The following SERPINB8 variants were observed in gnomAD, a reference collection of about 807,000 sequenced individuals.
SERPINB8 encodes serpin B8.
A neutral mutation model predicts 35.3 loss-of-function variants in SERPINB8; 25 were observed. The observed-to-expected ratio is 0.71, with a 90% confidence interval of 0.52 to 0.99. The LOEUF is 0.99. Ranked by LOEUF, SERPINB8 falls within the 50% of genes least tolerant of loss-of-function variation. The pLI, the probability that SERPINB8 is intolerant of heterozygous loss-of-function variation, is 0.00. For missense variants in SERPINB8, 484 were observed against 446.5 expected (o/e 1.08, Z -0.76); for synonymous variants, 186 against 160.8 (o/e 1.16, Z -1.19).
Position 63,979,836 on chromosome 18 carries a change from A to G in SERPINB8, c.204A>G (p.Arg68=). The part of the protein sequence containing the change: ...LCLYKDGDIH[R]GFQSLLSEVN... Reference sequence around the variant, plus strand: ...TATACAAAGACGGAGATATTCACCGAGGTTTCCAGTCACTTCTCAGTGAAG... The same window carrying G: ...TATACAAAGACGGAGATATTCACCGGGGTTTCCAGTCACTTCTCAGTGAAG... The change falls in exon 3 of 7, where the codon CGA becomes CGG. Residue 68 remains arginine, a synonymous_variant. Coordinates refer to ENST00000397985, the MANE Select transcript of SERPINB8 (RefSeq NM_002640.4). 6.2e-7 allele frequency: 1 copy of G among 1,614,144 alleles called. No individual in the cohort carries two copies. The highest frequency in any genetic ancestry group is 8.5e-7 in the Non-Finnish European group (1 of 1,179,996).
chr18:63,982,662 A>G (rs2050690506), intron 4 of SERPINB8, among the ~76,000 whole-genome samples: 1 of 152,178 alleles, frequency 6.6e-6, no homozygotes, highest in Non-Finnish European at 1.5e-5. Flanking sequence ...GTTTTCATAC[A>G]TCATCTGCCT....
At chr18:64,003,591 G>A (rs1346587357) in intron 1 of SERPINB8, among the ~76,000 whole-genome samples, 4 of 150,628 alleles carry the variant, frequency 2.7e-5, no homozygotes, top group Admixed American at 6.6e-5. Flanking sequence ...ATGCAATTAC[G>A]GAAACTGAGA....
chr18:63,977,828 A>G (rs1173685990), intron 1 of SERPINB8, among the ~76,000 whole-genome samples: 1 of 152,212 alleles, frequency 6.6e-6, no homozygotes. Context: ...ACACACATTT[A>G]TTATCTTATG....
chr18:63,993,054 T>TGATC (rs2050832468), downstream of SERPINB8, among the ~76,000 whole-genome samples: 1 of 152,226 alleles, frequency 6.6e-6, no homozygotes, highest in Non-Finnish European at 1.5e-5. Context: ...GTTTGCTGTT[T>TGATC]GATCATATAG....
At chr18:64,009,895 A>G (rs186578652), downstream of SERPINB8, among the ~76,000 whole-genome samples, 8 of 152,200 alleles carry the variant, frequency 5.3e-5, no homozygotes, top group African/African-American at 1.7e-4. Context: ...TTTGTCATAT[A>G]TTTGTGACAA....
intron 6 of SERPINB8, chr18:63,986,263 G>A (rs2050752122): frequency 6.2e-7 from 1 of 1,610,472 alleles, no homozygotes. Flanking sequence ...AATAGAAAGA[G>A]TGATGGATCT....
chr18:63,971,705 G>A (rs2050484255), intron 1 of SERPINB8, among the ~76,000 whole-genome samples: 1 of 152,178 alleles, frequency 6.6e-6, no homozygotes, highest in Non-Finnish European at 1.5e-5. Context: ...CAAATACTGA[G>A]CCGGGTTATC....
chr18:64,000,338 A>G (rs1192335890), intron 1 of SERPINB8, among the ~76,000 whole-genome samples: 1 of 152,196 alleles, frequency 6.6e-6, no homozygotes, highest in African/African-American at 2.4e-5. Context: ...AATTCCATTT[A>G]TTTAGGACCA....
Position 63,987,321 on chromosome 18 carries a change from T to A in SERPINB8, c.*43T>A. The A allele has an allele frequency of 6.4e-7, 1 of 1,553,378 alleles. No homozygotes were observed. The highest frequency in any genetic ancestry group is 8.7e-7 in the Non-Finnish European group (1 of 1,149,664). ...ACATACCCTCCTTTCCTTCTACCTA[T>A]CTTGCCTTAATTAACATTCCCTGTG... On this transcript the variant is annotated 3_prime_UTR_variant, in exon 7 of 7. Coordinates refer to ENST00000397985, the MANE Select transcript of SERPINB8 (RefSeq NM_002640.4).
exon 8 of SERPINB8, chr18:64,018,955 G>A (rs1249571080): frequency 6.6e-6 from 1 of 152,122 alleles, no homozygotes; most frequent in Admixed American, 6.5e-5. Context: ...CCAGCTGGGT[G>A]AAGATCAAGG....
At position 63,982,596 on chromosome 18, in the gene SERPINB8, CT is replaced by C. The variant is rs370957357; in HGVS notation, c.424+759del. ...TGTGTGTCCAGCAGAAGTAATGCCC[CT>C]GATTCTACTGAAAGCCAATACAATA... On this transcript the variant is annotated intron_variant, in intron 4 of 6. Coordinates refer to ENST00000397985, the MANE Select transcript of SERPINB8 (RefSeq NM_002640.4). 2.6e-4 allele frequency among the ~76,000 whole-genome samples: 40 copies of C among 152,296 alleles called. No individual in the cohort carries two copies. The East Asian group carries it at 5.6e-3, about 21-fold the overall frequency.
chr18:63,998,895 G>A (rs528199905), intron 1 of SERPINB8, among the ~76,000 whole-genome samples: 6 of 152,264 alleles, frequency 3.9e-5, no homozygotes, highest in South Asian at 2.1e-4. Context: ...GCTTTACTCC[G>A]TGTAGCCCCA....
At chr18:63,991,923 GT>G (rs578227356), downstream of SERPINB8, among the ~76,000 whole-genome samples, 795 of 152,248 alleles carry the variant, frequency 5.2e-3, 8 homozygotes, top group African/African-American at 0.018. Flanking sequence ...TGATCATATG[GT>G]TTTGTTAATA....
chr18:64,004,073 T>G (rs1447800702), intron 1 of SERPINB8, among the ~76,000 whole-genome samples: 2 of 152,234 alleles, frequency 1.3e-5, no homozygotes, highest in African/African-American at 4.8e-5. Flanking sequence ...GGGTATTGAT[T>G]TCTTGTTTAA....
exon 8 of SERPINB8, chr18:64,019,774 C>T (rs1480387414): frequency 6.7e-6 from 1 of 149,296 alleles, no homozygotes; most frequent in Non-Finnish European, 1.5e-5. Flanking sequence ...AAACTATCTC[C>T]TTCCAGTCCT....
chr18:64,000,979 T>C (rs972312992), intron 1 of SERPINB8, among the ~76,000 whole-genome samples: 1 of 152,248 alleles, frequency 6.6e-6, no homozygotes, highest in African/African-American at 2.4e-5. Context: ...GATTGCTATG[T>C]AGGATTTGAC....
In SERPINB8 at chr18:63,988,626, A is replaced by G. The variant is rs1394536293; in HGVS notation, c.*1348A>G. On this transcript the variant is annotated 3_prime_UTR_variant, in exon 7 of 7. Transcript: ENST00000397985. ...ACCACTGACTGCTGCCTGCTTTATTATTTCTTTAATGAGTTGGACTGAACA... is the reference window on the plus strand; with the variant it reads ...ACCACTGACTGCTGCCTGCTTTATTGTTTCTTTAATGAGTTGGACTGAACA... 2 of 152,114 alleles carry G rather than the reference A, an allele frequency of 1.3e-5. No homozygotes were observed. Among genetic ancestry groups the G allele is most frequent in the Admixed American group, 6.5e-5 (1 of 15,276 alleles). 9.4% of individuals were successfully genotyped at this position (152,114 alleles called of 1,614,324 possible). A position where few individuals can be genotyped will look rare whatever the true frequency, so the allele number is the denominator to read the frequency against.
intron 1 of SERPINB8, among the ~76,000 whole-genome samples, chr18:63,972,881 A>G (rs2050513211): frequency 6.6e-6 from 1 of 152,148 alleles, no homozygotes. Context: ...TTCTTAATCC[A>G]GTCTATCATT....
rs761157943 is a variant in SERPINB8, at chr18:63,979,969, A to T, written c.306+31A>T. On this transcript the variant is annotated intron_variant, in intron 3 of 6. Coordinates refer to ENST00000397985, the MANE Select transcript of SERPINB8 (RefSeq NM_002640.4). ...TAGTATTCACATATTGATGACAAAGAAATTGAAAGTAAGTTAGACTACAGA... is the reference window on the plus strand; with the variant it reads ...TAGTATTCACATATTGATGACAAAGTAATTGAAAGTAAGTTAGACTACAGA... The T allele has an allele frequency of 3.1e-6, 5 of 1,609,320 alleles. No homozygotes were observed. The South Asian group carries it at 3.3e-5, about 11-fold the overall frequency.
Sources: allele counts gnomAD v4.1 joint callset (sites outside exome capture counted in the v4.1 genomes callset), GRCh38; gene constraint gnomAD v4.1.1; transcripts MANE v1.5; gene names NCBI Gene and HGNC (gene_info 2026-07-23, HGNC 2026-07-21).